Variants in SCAI observed in about 807,000 individuals in gnomAD.
SCAI encodes suppressor of cancer cell invasion.
A neutral mutation model predicts 92.2 loss-of-function variants in SCAI; 24 were observed. The observed-to-expected ratio is 0.26, with a 90% confidence interval of 0.19 to 0.37. SCAI has a LOEUF of 0.37. SCAI is among the 10% of genes least tolerant of loss of function. SCAI has a pLI of 1.00. For synonymous variants in SCAI, 261 were observed against 258.6 expected (o/e 1.01, Z -0.09); for missense variants, 450 against 736.2 (o/e 0.61, Z 4.50).
chr9:124,979,510 A>C (rs1831834676), intron 14 of SCAI, among the ~76,000 whole-genome samples: 1 of 152,012 alleles, frequency 6.6e-6, no homozygotes. Flanking sequence ...ACTGTACCCT[A>C]GCCTGGGCAA....
rs533551664 is a variant in SCAI, at chr9:125,086,886, G to A, written c.99-30879C>T. ...TAGAATAATAGAAACTGTTTCCCAGGGTTATCATGAAGATTAAGTGAGAAT... is the reference window on the plus strand; with the variant it reads ...TAGAATAATAGAAACTGTTTCCCAGAGTTATCATGAAGATTAAGTGAGAAT... On this transcript the variant is annotated intron_variant, in intron 2 of 17. Coordinates refer to ENST00000336505, the MANE Select transcript of SCAI (RefSeq NM_001144877.3). Among the ~76,000 whole-genome samples, 4 of 152,190 alleles carry A rather than the reference G, an allele frequency of 2.6e-5. No homozygotes were observed. In the East Asian group the frequency reaches 7.7e-4, roughly 29 times the overall value.
At chr9:125,026,676 A>G (rs1335247141) in intron 6 of SCAI, 136 bp downstream of exon 6, 13 of 511,932 alleles carry the variant, frequency 2.5e-5, no homozygotes, top group Non-Finnish European at 4.5e-5. Context: ...TCGAAGGTCT[A>G]TTACATAGCA....
At chr9:124,981,244 T>C (rs1172670477) in intron 14 of SCAI, among the ~76,000 whole-genome samples, 2 of 152,228 alleles carry the variant, frequency 1.3e-5, no homozygotes, top group African/African-American at 4.8e-5. Flanking sequence ...ATATTCATAT[T>C]AGTAGCTTTT....
At chr9:124,979,647 G>T (rs1234597441) in intron 14 of SCAI, among the ~76,000 whole-genome samples, 1 of 152,226 alleles carries the variant, frequency 6.6e-6, no homozygotes, top group African/African-American at 2.4e-5. Context: ...TATAGGGAGA[G>T]ATAGGAATTT....
intron 14 of SCAI, among the ~76,000 whole-genome samples, chr9:124,979,402 T>C (rs1347757053): frequency 4.0e-5 from 6 of 151,558 alleles, no homozygotes; most frequent in Non-Finnish European, 8.8e-5. Flanking sequence ...TAGCCGGGCA[T>C]GGTGGCGTGT....
rs1327560862 is a variant in SCAI, at chr9:124,947,916, A to G, written c.*4891T>C. On this transcript the variant is annotated 3_prime_UTR_variant, in exon 18 of 18. Coordinates refer to ENST00000336505, the MANE Select transcript of SCAI (RefSeq NM_001144877.3). ...AATGGCCAAATTAGCAGACCTTGGT[A>G]CCTGACTATATTTCCAGTCCAGAGT... 1 of 152,202 alleles carries G rather than the reference A, an allele frequency of 6.6e-6. No individual in the cohort carries two copies. Among genetic ancestry groups the G allele is most frequent in the Non-Finnish European group, 1.5e-5 (1 of 68,034 alleles). 9.4% of individuals were successfully genotyped at this position (152,202 alleles called of 1,614,324 possible). A position where few individuals can be genotyped will look rare whatever the true frequency, so the allele number is the denominator to read the frequency against.
intron 3 of SCAI, among the ~76,000 whole-genome samples, chr9:125,048,740 A>C (rs987817554): frequency 8.7e-5 from 12 of 137,462 alleles, no homozygotes; most frequent in Non-Finnish European, 1.6e-4. Context: ...TTATTTATTT[A>C]ATTTTATTTT....
At chr9:125,106,914 T>G (rs2131222957) in intron 2 of SCAI, among the ~76,000 whole-genome samples, 1 of 149,858 alleles carries the variant, frequency 6.7e-6, no homozygotes, top group Non-Finnish European at 1.5e-5. Flanking sequence ...AGAGTCTCAT[T>G]ATGTTGCCCA....
At chr9:125,015,876 T>C (rs1832746217) in intron 9 of SCAI, among the ~76,000 whole-genome samples, 1 of 152,046 alleles carries the variant, frequency 6.6e-6, no homozygotes, top group Middle Eastern at 3.4e-3. Flanking sequence ...TCATGTCCTT[T>C]GTAGGGACAT....
At chr9:125,136,034 T>C (rs1312690889) in intron 2 of SCAI, among the ~76,000 whole-genome samples, 1 of 150,136 alleles carries the variant, frequency 6.7e-6, no homozygotes, top group Non-Finnish European at 1.5e-5. Flanking sequence ...ATGTACTACA[T>C]ATGTAATATA....
At chr9:125,048,590 G>A (rs1368863488) in intron 3 of SCAI, among the ~76,000 whole-genome samples, 1 of 151,992 alleles carries the variant, frequency 6.6e-6, no homozygotes, top group Non-Finnish European at 1.5e-5. Context: ...CAGGGGAGGG[G>A]AAGAAGGGGT....
intron 2 of SCAI, among the ~76,000 whole-genome samples, chr9:125,106,547 T>C (rs555011343): frequency 4.2e-4 from 64 of 152,204 alleles, no homozygotes; most frequent in Non-Finnish European, 7.4e-4. Flanking sequence ...CCCAAACATG[T>C]GAATCTTAAA....
chr9:125,102,880 G>A (rs1834706996), intron 2 of SCAI, among the ~76,000 whole-genome samples: 1 of 152,112 alleles, frequency 6.6e-6, no homozygotes, highest in Non-Finnish European at 1.5e-5. Flanking sequence ...TTACAGGCGT[G>A]AGGCACCGCG....
intron 17 of SCAI, among the ~76,000 whole-genome samples, chr9:124,969,825 A>G (rs1831617229): frequency 6.6e-6 from 1 of 152,206 alleles, no homozygotes; most frequent in Non-Finnish European, 1.5e-5. Flanking sequence ...TATGTGTACC[A>G]GGAAACTGAT....
At chr9:124,994,710 TTTA>T (rs1832203173) in intron 14 of SCAI, among the ~76,000 whole-genome samples, 1 of 152,156 alleles carries the variant, frequency 6.6e-6, no homozygotes, top group Non-Finnish European at 1.5e-5. Flanking sequence ...TGCAGGAGGA[TTTA>T]TTATTTTCCA....
intron 2 of SCAI, among the ~76,000 whole-genome samples, chr9:125,080,856 C>T (rs983973671): frequency 2.0e-5 from 3 of 152,194 alleles, no homozygotes; most frequent in Non-Finnish European, 4.4e-5. Flanking sequence ...TGAATTCCCA[C>T]GTGTTGTGGG....
intron 14 of SCAI, among the ~76,000 whole-genome samples, chr9:124,994,279 C>T (rs1832194077): frequency 6.6e-6 from 1 of 152,324 alleles, no homozygotes; most frequent in African/African-American, 2.4e-5. Flanking sequence ...AGGTAATCTG[C>T]CCGCCTCGGC....
intron 2 of SCAI, among the ~76,000 whole-genome samples, chr9:125,096,276 T>C (rs573117096): frequency 6.6e-6 from 1 of 152,136 alleles, no homozygotes; most frequent in South Asian, 2.1e-4. Flanking sequence ...AACCATCAGA[T>C]CTCGTGAGAC....
chr9:125,083,050 T>C (rs1795173348), intron 2 of SCAI, among the ~76,000 whole-genome samples: 1 of 152,184 alleles, frequency 6.6e-6, no homozygotes, highest in South Asian at 2.1e-4. Context: ...CACCCAAATC[T>C]CATCTTGAAT....
Sources: allele counts gnomAD v4.1 joint callset (sites outside exome capture counted in the v4.1 genomes callset), GRCh38; gene constraint gnomAD v4.1.1; transcripts MANE v1.5; gene names NCBI Gene and HGNC (gene_info 2026-07-23, HGNC 2026-07-21).